The following WDR74 variants were observed in gnomAD, a reference collection of about 807,000 sequenced individuals.
The protein encoded by WDR74 is WD repeat-containing protein 74.
Under a neutral mutation model 45.6 loss-of-function variants are expected in WDR74, and 31 were observed. That is an observed-to-expected ratio of 0.68 (90% CI 0.51 to 0.92). WDR74 has a LOEUF of 0.92. Among genes scored for constraint, WDR74 ranks in the 40% least tolerant of loss-of-function variants. The probability of loss-of-function intolerance (pLI) is 0.00; values close to 1 mark genes in which losing one functional copy is unlikely to be tolerated. For synonymous variants in WDR74, 191 were observed against 192.4 expected, an observed-to-expected ratio of 0.99 and a Z score of 0.06; for missense variants, 455 against 497.2, an observed-to-expected ratio of 0.92 and a Z score of 0.81.
In WDR74 at chr11:62,834,584, G is replaced by A. The variant is rs972643498; in HGVS notation, c.619-57C>T. ...CCTCACCCTGCACCTACCCTCTGGC[G>A]TCTCTGCATCCTCACCCCCTCCCTG... On this transcript the variant is annotated intron_variant, in intron 6 of 10. Coordinates refer to ENST00000278856, the MANE Select transcript of WDR74 (RefSeq NM_001369450.1). The A allele has an allele frequency of 1.5e-5, 22 of 1,469,724 alleles. 1 individual carries two copies. The highest frequency in any genetic ancestry group is 4.2e-5 in the African/African-American group (3 of 72,088). The allele number at this position is 1,469,724 out of a possible 1,614,324, so 91.0% of individuals were successfully genotyped here. A position where few individuals can be genotyped will look rare whatever the true frequency, so the allele number is the denominator to read the frequency against.
In WDR74 at chr11:62,839,295, G is replaced by A. The variant is rs201618759; in HGVS notation, c.171+27C>T. ...GAGGCTGCTGCGCCCCAGGCCCCCA[G>A]CTCCGGCCCGACCAGGGGCCACTCA... On this transcript the variant is annotated intron_variant, in intron 2 of 10. Transcript: ENST00000278856. 7.5e-6 allele frequency: 12 copies of A among 1,610,672 alleles called. No individual in the cohort carries two copies. In the East Asian group the frequency reaches 2.2e-4, roughly 30 times the overall value.
At position 62,839,291 on chromosome 11, in the gene WDR74, C is replaced by T. The variant is rs539200289; in HGVS notation, c.171+31G>A. 3 of 1,611,102 alleles carry T rather than the reference C, an allele frequency of 1.9e-6. No homozygotes were observed. In the South Asian group the frequency reaches 3.3e-5, roughly 18 times the overall value. The stretch of plus-strand genomic sequence containing the variant: ...GAGCGAGGCTGCTGCGCCCCAGGCC[C>T]CCAGCTCCGGCCCGACCAGGGGCCA... On this transcript the variant is annotated intron_variant, in intron 2 of 10. Coordinates refer to ENST00000278856, the MANE Select transcript of WDR74 (RefSeq NM_001369450.1).
rs2084916921 is a variant in WDR74, at chr11:62,833,870, C to T, written c.843G>A (p.Lys281=). 3 of 1,613,978 alleles carry T rather than the reference C, an allele frequency of 1.9e-6. No homozygotes were observed. Among genetic ancestry groups the T allele is most frequent in the Non-Finnish European group, 2.5e-6 (3 of 1,179,892 alleles). ...SVRGLQCHPS[K]PLLASCGLDR... ...CCAAGCCACAGGAGGCTAGTAGAGG[C>T]TTTGAAGGGTGGCACTGCAACCCAC... is the stretch of plus-strand genomic sequence containing the variant. Residue 281 remains lysine, a synonymous_variant, in exon 9 of 11, where the codon AAG becomes AAA. Transcript: ENST00000278856.
chr11:62,837,504 A>G (rs1033772536), intron 3 of WDR74, among the ~76,000 whole-genome samples: 15 of 149,350 alleles, frequency 1.0e-4, no homozygotes, highest in African/African-American at 3.3e-4. Flanking sequence ...ATATAAAAAA[A>G]AAACAAAAAA....
chr11:62,839,354 C>T lies in WDR74; in HGVS notation c.139G>A (p.Ala47Thr). Residue 47 changes from alanine to threonine, a missense_variant, in exon 2 of 11, where the codon GCC (alanine) becomes ACC (threonine). Physicochemically the swap from Ala to Thr is moderately conservative, Grantham distance 58 (BLOSUM62 0). Transcript: ENST00000278856. ...GQPRREEAVS[A>T]LCWGTGGETQ... ...TCGCCGCCGGTGCCCCAACACAGGG[C>T]GCTCACTGCCTCCTCGCGCCGCGGC... 1 of 1,611,752 alleles carries T rather than the reference C, an allele frequency of 6.2e-7. No homozygotes were observed. The highest frequency in any genetic ancestry group is 2.2e-5 in the East Asian group (1 of 44,878).
intron 8 of WDR74, 104 bp downstream of exon 8, chr11:62,834,172 G>A: frequency 1.3e-6 from 2 of 1,544,774 alleles, no homozygotes; most frequent in Admixed American, 1.7e-5. Flanking sequence ...CAGGCAATCT[G>A]GCACCTGAAT....
At chr11:62,841,564 T>A (rs560054465), upstream of WDR74, 6 of 152,164 alleles carry the variant, frequency 3.9e-5, no homozygotes, top group African/African-American at 4.8e-5. Flanking sequence ...CTATTTAGCT[T>A]GTACCCTAAC....
chr11:62,839,674 A>G (rs777346238), upstream of WDR74: 3 of 1,366,164 alleles, frequency 2.2e-6, no homozygotes, highest in African/African-American at 2.9e-5. Flanking sequence ...AAGTTTGAAG[A>G]GCCGAAACAG....
intron 3 of WDR74, chr11:62,836,597 T>TCC (rs2084963602): frequency 6.3e-6 from 1 of 159,354 alleles, no homozygotes; most frequent in South Asian, 1.7e-4. Context: ...AGCAAGTCTC[T>TCC]CCCCAGGATC....
intron 4 of WDR74, 32 bp downstream of exon 4, chr11:62,835,929 C>T (rs778797002): frequency 1.3e-6 from 2 of 1,585,192 alleles, no homozygotes; most frequent in East Asian, 4.6e-5. Flanking sequence ...CCCAGCCCAC[C>T]TCCCCCAACC....
chr11:62,835,181 A>T, intron 6 of WDR74: 1 of 491,410 alleles, frequency 2.0e-6, no homozygotes, highest in Non-Finnish European at 3.7e-6. Context: ...TATAATTCCC[A>T]CAGTGAAGGG....
rs1420018831 is a variant in WDR74, at chr11:62,833,951, G to A, written c.776-14C>T. 3.1e-6 allele frequency: 5 copies of A among 1,611,018 alleles called. No homozygotes were observed. Among genetic ancestry groups the A allele is most frequent in the Non-Finnish European group, 4.2e-6 (5 of 1,178,350 alleles). ...CCAGTAGACGCCCTAGAGAAGGGGGGAAGCATCCGTGATAACTGGCTGGCC... is the reference window on the plus strand; with the variant it reads ...CCAGTAGACGCCCTAGAGAAGGGGGAAAGCATCCGTGATAACTGGCTGGCC... On this transcript the variant is annotated splice_polypyrimidine_tract_variant and intron_variant, in intron 8 of 10. Transcript: ENST00000278856.
chr11:62,841,305 A>G (rs1164068610), upstream of WDR74, among the ~76,000 whole-genome samples: 1 of 152,088 alleles, frequency 6.6e-6, no homozygotes, highest in Non-Finnish European at 1.5e-5. Context: ...CGACAGAGCA[A>G]GACGACGTCT....
At position 62,833,948 on chromosome 11, in the gene WDR74, G is replaced by A. The variant is rs774731332; in HGVS notation, c.776-11C>T. 6.2e-7 allele frequency: 1 copy of A among 1,611,730 alleles called. No homozygotes were observed. Among genetic ancestry groups the A allele is most frequent in the South Asian group, 1.1e-5 (1 of 90,906 alleles). ...AGCCCAGTAGACGCCCTAGAGAAGG[G>A]GGGAAGCATCCGTGATAACTGGCTG... On this transcript the variant is annotated splice_polypyrimidine_tract_variant and intron_variant, in intron 8 of 10. Coordinates refer to ENST00000278856, the MANE Select transcript of WDR74 (RefSeq NM_001369450.1).
chr11:62,839,690 C>T, upstream of WDR74: 7 of 1,236,782 alleles, frequency 5.7e-6, no homozygotes, highest in Non-Finnish European at 6.6e-6. Context: ...AACAGTAAAG[C>T]TTCCATGCTT....
intron 10 of WDR74, 168 bp downstream of exon 10, chr11:62,833,450 A>G (rs1308715837): frequency 3.5e-6 from 3 of 845,132 alleles, no homozygotes; most frequent in Non-Finnish European, 5.4e-6. Flanking sequence ...GCTGTTGGCA[A>G]TAACCCTCTC....
upstream of WDR74, chr11:62,839,661 TG>T (rs1186829741): frequency 2.3e-5 from 34 of 1,474,670 alleles, no homozygotes; most frequent in Non-Finnish European, 2.7e-5. Context: ...GTGTAGTTGC[TG>T]GAAGTTTGAA....
At chr11:62,837,762 A>T (rs756753429) in intron 3 of WDR74, among the ~76,000 whole-genome samples, 1 of 152,180 alleles carries the variant, frequency 6.6e-6, no homozygotes, top group African/African-American at 2.4e-5. Flanking sequence ...AAACCTATGC[A>T]GCCTGCTTCA....
intron 3 of WDR74, 29 bp downstream of exon 3, chr11:62,839,085 C>T: frequency 6.2e-7 from 1 of 1,611,966 alleles, no homozygotes; most frequent in Non-Finnish European, 8.5e-7. Context: ...TCCCTTCGGC[C>T]CTGAGTTTAG....
Sources: allele counts gnomAD v4.1 joint callset (sites outside exome capture counted in the v4.1 genomes callset), GRCh38; gene constraint gnomAD v4.1.1; transcripts MANE v1.5; gene names NCBI Gene and HGNC (gene_info 2026-07-23, HGNC 2026-07-21).